The following SLC12A8 variants were observed in gnomAD, a reference collection of about 807,000 sequenced individuals.
SLC12A8 encodes the protein solute carrier family 12 member 8.
Under a neutral mutation model 75.6 loss-of-function variants are expected in SLC12A8, and 69 were observed. The ratio of observed to expected loss-of-function variants is 0.91; its 90% CI spans 0.75 to 1.11. The LOEUF (loss-of-function observed/expected upper bound fraction) is 1.11. SLC12A8 is among the 50% of genes most tolerant of loss of function. The pLI is 0.00. For missense variants in SLC12A8, 877 were observed against 896.7 expected, an observed-to-expected ratio of 0.98 and a Z score of 0.28; for synonymous variants, 365 against 372.8, an observed-to-expected ratio of 0.98 and a Z score of 0.24.
chr3:125,167,137 A>T (rs1278817304), intron 5 of SLC12A8, among the ~76,000 whole-genome samples: 2 of 152,056 alleles, frequency 1.3e-5, no homozygotes, highest in African/African-American at 4.8e-5. Context: ...AGCATTCATC[A>T]GTACATTTTT....
chr3:125,111,178 C>T (rs772937820), intron 8 of SLC12A8, among the ~76,000 whole-genome samples: 4 of 152,292 alleles, frequency 2.6e-5, no homozygotes, highest in South Asian at 2.1e-4. Flanking sequence ...TTTAAGCAGG[C>T]CTTCTGTCTT....
At chr3:125,198,780 A>ATT (rs111474323) in intron 2 of SLC12A8, among the ~76,000 whole-genome samples, 21 of 141,846 alleles carry the variant, frequency 1.5e-4, no homozygotes, top group African/African-American at 4.9e-4. Context: ...AGACAATAGG[A>ATT]TTTTTTTTTT....
chr3:125,090,755 T>G (rs1560047640), intron 12 of SLC12A8, among the ~76,000 whole-genome samples: 1 of 152,234 alleles, frequency 6.6e-6, no homozygotes, highest in African/African-American at 2.4e-5. Flanking sequence ...TTTTCATTAG[T>G]GTTAGCCTGA....
chr3:125,125,630 G>A (rs1311547792), intron 6 of SLC12A8, among the ~76,000 whole-genome samples: 1 of 152,166 alleles, frequency 6.6e-6, no homozygotes, highest in African/African-American at 2.4e-5. Flanking sequence ...ATACCCTAGC[G>A]ATCATCTACT....
At chr3:125,132,140 G>A (rs1385798252) in intron 6 of SLC12A8, among the ~76,000 whole-genome samples, 1 of 152,202 alleles carries the variant, frequency 6.6e-6, no homozygotes, top group Non-Finnish European at 1.5e-5. Flanking sequence ...AAAACCCTAA[G>A]CCCCTGGAGC....
chr3:125,195,988 C>G (rs1935002846), intron 2 of SLC12A8, among the ~76,000 whole-genome samples: 2 of 152,198 alleles, frequency 1.3e-5, no homozygotes, highest in African/African-American at 4.8e-5. Flanking sequence ...TGCCCTCCCC[C>G]TAATAACAGG....
chr3:125,121,680 A>G (rs1310088750), intron 6 of SLC12A8, among the ~76,000 whole-genome samples: 1 of 152,224 alleles, frequency 6.6e-6, no homozygotes, highest in Non-Finnish European at 1.5e-5. Context: ...GTTAATTAAA[A>G]CAGCCTAAGG....
At chr3:125,104,027 AAGAG>A (rs1938958904) in intron 10 of SLC12A8, among the ~76,000 whole-genome samples, 1 of 151,856 alleles carries the variant, frequency 6.6e-6, no homozygotes, top group Non-Finnish European at 1.5e-5. Context: ...AAGAGAGAGA[AAGAG>A]AGAGCCCAAA....
At chr3:125,139,200 A>G (rs1309831047) in intron 5 of SLC12A8, among the ~76,000 whole-genome samples, 1 of 152,230 alleles carries the variant, frequency 6.6e-6, no homozygotes, top group South Asian at 2.1e-4. Context: ...TAAACAAGAC[A>G]GGAAAAATAA....
intron 5 of SLC12A8, among the ~76,000 whole-genome samples, chr3:125,142,555 G>A (rs990782051): frequency 1.3e-5 from 2 of 152,262 alleles, no homozygotes; most frequent in African/African-American, 4.8e-5. Context: ...GGCAAGAACA[G>A]TGGCAAAATC....
rs533720812 is a variant in SLC12A8, at chr3:125,204,077, T to A, written c.51+7222A>T. Among the ~76,000 whole-genome samples, 11 of 152,270 alleles carry A rather than the reference T, an allele frequency of 7.2e-5. No individual in the cohort carries two copies. The East Asian group carries it at 9.6e-4, about 13-fold the overall frequency. On this transcript the variant is annotated intron_variant, in intron 2 of 13. Coordinates refer to ENST00000469902, the MANE Select transcript of SLC12A8 (RefSeq NM_024628.6). ...TAGAATGACTATTATCCAAAAAATG[T>A]AAAATAACAAGTGTTTGTGGGGCTT... is the stretch of plus-strand genomic sequence containing the variant.
Position 125,107,827 on chromosome 3 carries a change from G to T in SLC12A8, c.1359C>A (p.Gly453=). The part of the protein sequence containing the change: ...SEGPAQRVLE[G]TLLEFTKDMD... ...TGTCCTTGGTGAATTCCAGTAGCGT[G>T]CCCTCCAAGACTCTTTGGGCAGGTC... The change falls in exon 10 of 14, where the codon GGC becomes GGA. Residue 453 remains glycine, a synonymous_variant. Transcript: ENST00000469902. 6.2e-7 allele frequency: 1 copy of T among 1,614,124 alleles called. No individual in the cohort carries two copies. Among genetic ancestry groups the T allele is most frequent in the South Asian group, 1.1e-5 (1 of 91,078 alleles).
At chr3:125,193,229 G>A (rs1934941171) in intron 2 of SLC12A8, among the ~76,000 whole-genome samples, 1 of 152,158 alleles carries the variant, frequency 6.6e-6, no homozygotes, top group South Asian at 2.1e-4. Flanking sequence ...AATTAGCCGG[G>A]TGTGGTTGTG....
intron 10 of SLC12A8, among the ~76,000 whole-genome samples, chr3:125,097,825 T>C (rs1465979520): frequency 6.6e-6 from 1 of 152,026 alleles, no homozygotes. Flanking sequence ...TTGTACAAAC[T>C]TGTCAGAGGG....
intron 9 of SLC12A8, among the ~76,000 whole-genome samples, chr3:125,109,544 A>C (rs915818879): frequency 6.6e-6 from 1 of 152,212 alleles, no homozygotes; most frequent in Non-Finnish European, 1.5e-5. Context: ...CCCCAACAAG[A>C]CAAAAATGAA....
intron 5 of SLC12A8, among the ~76,000 whole-genome samples, chr3:125,149,760 AAG>A (rs1416422677): frequency 6.6e-6 from 1 of 152,010 alleles, no homozygotes; most frequent in Non-Finnish European, 1.5e-5. Context: ...AGAGGGGAAA[AAG>A]AGAGACAAAA....
At position 125,103,852 on chromosome 3, in the gene SLC12A8, T is replaced by C. The variant is rs114304829; in HGVS notation, c.1705+3629A>G. ...TCTCGCTATGATGTCCAGGCTGGTC[T>C]TGAACTCCTGGGCTCAAACATTCCT... On this transcript the variant is annotated intron_variant, in intron 10 of 13. Transcript: ENST00000469902. Among the ~76,000 whole-genome samples, 923 of 152,232 alleles carry C rather than the reference T, an allele frequency of 6.1e-3. 8 individuals are homozygous for C. The highest frequency in any genetic ancestry group is 0.017 in the Middle Eastern group (5 of 294).
At chr3:125,084,307 T>C (rs1938404377) in intron 13 of SLC12A8, among the ~76,000 whole-genome samples, 1 of 152,006 alleles carries the variant, frequency 6.6e-6, no homozygotes, top group African/African-American at 2.4e-5. Flanking sequence ...AAGCTGTACC[T>C]ACCTGATAGG....
Position 125,118,088 on chromosome 3 carries a change from T to C in SLC12A8, c.912+681A>G, listed in dbSNP as rs547257877. Among the ~76,000 whole-genome samples, 9 of 152,364 alleles carry C rather than the reference T, an allele frequency of 5.9e-5. No individual in the cohort carries two copies. The South Asian group carries it at 1.2e-3, about 21-fold the overall frequency. On this transcript the variant is annotated intron_variant, in intron 8 of 13. Coordinates refer to ENST00000469902, the MANE Select transcript of SLC12A8 (RefSeq NM_024628.6). The stretch of plus-strand genomic sequence containing the variant: ...ACTTCTGAGCAGCACATTTGATTCA[T>C]TGTGGAAGGTGAAGCTATTAGCAAA...
Sources: gnomAD v4.1 joint callset for allele counts (sites outside exome capture counted in the v4.1 genomes callset) on GRCh38, gnomAD v4.1.1 for gene constraint, MANE v1.5 for transcripts, NCBI Gene and HGNC (gene_info 2026-07-23, HGNC 2026-07-21) for gene names.